TMEM43: variants seen among roughly 807,000 people sequenced by gnomAD.
TMEM43 encodes the protein transmembrane protein 43.
TMEM43 carries 45 observed loss-of-function variants against 49.6 expected under a neutral mutation model. The ratio of observed to expected loss-of-function variants is 0.91; its 90% CI spans 0.71 to 1.16. The LOEUF (loss-of-function observed/expected upper bound fraction) is 1.16. Ranked by LOEUF, TMEM43 falls within the 50% of genes most tolerant of loss-of-function variation. The pLI, the probability that TMEM43 is intolerant of heterozygous loss-of-function variation, is 0.00. For missense variants in TMEM43, 532 were observed against 516.6 expected (o/e 1.03, Z -0.29); for synonymous variants, 199 against 207.8 (o/e 0.96, Z 0.36).
intron 7 of TMEM43, 47 bp from the exon 8 acceptor site, chr3:14,134,723 G>A (rs1298786288): frequency 6.2e-7 from 1 of 1,613,474 alleles, no homozygotes; most frequent in South Asian, 1.1e-5. Context: ...TGCAGATTGA[G>A]GTTTTCACCT....
intron 1 of TMEM43, among the ~76,000 whole-genome samples, chr3:14,127,461 C>T (rs1262243938): frequency 6.6e-6 from 1 of 152,172 alleles, no homozygotes; most frequent in Non-Finnish European, 1.5e-5. Context: ...CATTGTAGCC[C>T]AAGAGATGGG....
chr3:14,137,208 A>G, intron 10 of TMEM43: 1 of 149,624 alleles, frequency 6.7e-6, no homozygotes, highest in Non-Finnish European at 1.5e-5. Context: ...GCTGTTGCCC[A>G]GGAGCCCAGT....
In TMEM43 at chr3:14,130,911, T is replaced by C. The variant is rs1197228653; in HGVS notation, c.252T>C (p.Asn84=). ...GCATCCACAGTGTGGCTCCGGAGAA[T>C]GAAGGAAGGCTGGTGCACATCATTG... ...PDSIHSVAPE[N]EGRLVHIIGA... is the part of the protein sequence containing the mutation. The change falls in exon 3 of 12, where the codon AAT becomes AAC. Residue 84 remains asparagine (N), a synonymous_variant. Transcript: ENST00000306077. 6.2e-7 allele frequency: 1 copy of C among 1,613,314 alleles called. No homozygotes were observed. The highest frequency in any genetic ancestry group is 8.5e-7 in the Non-Finnish European group (1 of 1,179,612).
intron 10 of TMEM43, among the ~76,000 whole-genome samples, chr3:14,138,316 G>C (rs368099540): frequency 6.6e-6 from 1 of 152,152 alleles, no homozygotes; most frequent in Non-Finnish European, 1.5e-5. Context: ...GTGTCCGGGG[G>C]GTGTGGCAGG....
intron 3 of TMEM43, 99 bp from the exon 4 acceptor site, chr3:14,131,481 A>G (rs1008683058): frequency 8.2e-6 from 8 of 974,840 alleles, no homozygotes; most frequent in African/African-American, 3.2e-5. Flanking sequence ...CCCCTTCTCT[A>G]TTTCTTCCTC....
At position 14,143,134 on chromosome 3, in the gene TMEM43, C is replaced by T. The variant is rs1450433765; in HGVS notation, c.*1339C>T. ...TTTCTAAGTTCCCCAACTACTCTCA[C>T]ACCCTTTTAAAGATAAAGTATGTTG... On this transcript the variant is annotated 3_prime_UTR_variant, in exon 12 of 12. Coordinates refer to ENST00000306077, the MANE Select transcript of TMEM43 (RefSeq NM_024334.3). 1 of 152,202 alleles carries T rather than the reference C, an allele frequency of 6.6e-6. No homozygotes were observed. The highest frequency in any genetic ancestry group is 1.5e-5 in the Non-Finnish European group (1 of 68,054). The allele number at this position is 152,202 out of a possible 1,614,324, so 9.4% of individuals were successfully genotyped here. A position where few individuals can be genotyped will look rare whatever the true frequency, so the allele number is the denominator to read the frequency against.
At chr3:14,135,312 G>T in intron 9 of TMEM43, 80 bp downstream of exon 9, 1 of 1,212,028 alleles carries the variant, frequency 8.3e-7, no homozygotes, top group South Asian at 1.3e-5. Flanking sequence ...TCAATGTCAG[G>T]AGCGCTTGGA....
In TMEM43 at chr3:14,134,810, A is replaced by T. The variant is rs527942696; in HGVS notation, c.624A>T (p.Leu208=). Residue 208 remains leucine, a synonymous_variant, in exon 8 of 12, where the codon CTA becomes CTT. Coordinates refer to ENST00000306077, the MANE Select transcript of TMEM43 (RefSeq NM_024334.3). ...TCGACAACTTCAAGTCCCTGAGCCT[A>T]TCCAAGCTGGAGGACCCTCATGTGG... The part of the protein sequence containing the change: ...DKVDNFKSLS[L]SKLEDPHVDI... 2 of 1,614,176 alleles carry T rather than the reference A, an allele frequency of 1.2e-6. No homozygotes were observed. The highest frequency in any genetic ancestry group is 8.5e-7 in the Non-Finnish European group (1 of 1,180,018).
At position 14,134,872 on chromosome 3, in the gene TMEM43, A is replaced by G. The variant is rs764671990; in HGVS notation, c.686A>G (p.Glu229Gly). 4 of 1,614,224 alleles carry G rather than the reference A, an allele frequency of 2.5e-6. No homozygotes were observed. Among genetic ancestry groups the G allele is most frequent in the Non-Finnish European group, 3.4e-6 (4 of 1,180,028 alleles). The change falls in exon 8 of 12, where the codon GAA becomes GGA. Residue 229 changes from glutamate (E) to glycine (G), a missense_variant. By Grantham distance (98) the Glu-to-Gly change is moderately conservative. Coordinates refer to ENST00000306077, the MANE Select transcript of TMEM43 (RefSeq NM_024334.3). ...CGTGGAGACTTTTTCTACCACAGCGAAAATCCCAAGTATCCAGAGGTGTGC... is the reference window on the plus strand; with the variant it reads ...CGTGGAGACTTTTTCTACCACAGCGGAAATCCCAAGTATCCAGAGGTGTGC... ...IRRGDFFYHS[E>G]NPKYPEVGDL...
chr3:14,133,933 AC>A, intron 7 of TMEM43, 124 bp downstream of exon 7: 1 of 943,372 alleles, frequency 1.1e-6, no homozygotes, highest in Admixed American at 1.8e-5. Flanking sequence ...CTTTCCCAGC[AC>A]CATGCTTTGG....
In TMEM43 at chr3:14,125,118, T is replaced by A; in HGVS notation, c.-76T>A. 6.3e-7 allele frequency: 1 copy of A among 1,591,064 alleles called. No individual in the cohort carries two copies. Among genetic ancestry groups the A allele is most frequent in the Non-Finnish European group, 8.6e-7 (1 of 1,169,106 alleles). On this transcript the variant is annotated 5_prime_UTR_variant, in exon 1 of 12. Transcript: ENST00000306077. ...GAAGCTGGGGCTGGCAAGAGGCCGCTGGACACCACGCTCCAGTCGTCAGCC... is the reference window on the plus strand; with the variant it reads ...GAAGCTGGGGCTGGCAAGAGGCCGCAGGACACCACGCTCCAGTCGTCAGCC...
intron 1 of TMEM43, 93 bp downstream of exon 1, chr3:14,125,298 G>C: frequency 1.4e-6 from 2 of 1,474,610 alleles, no homozygotes; most frequent in South Asian, 1.2e-5. Flanking sequence ...TCGCCGCCTG[G>C]AGCTCCTCCG....
rs892487277 is a variant in TMEM43, at chr3:14,130,691, T to A, written c.163-131T>A. The A allele has an allele frequency of 6.4e-6, 8 of 1,243,508 alleles. No homozygotes were observed. In the African/African-American group the frequency reaches 1.2e-4, roughly 19 times the overall value. The allele number at this position is 1,243,508 out of a possible 1,614,324, so 77.0% of individuals were successfully genotyped here. ...CTCTCCACTTGCTAGACCTCAGTTTTCCAACTGTACGGTGGGGAGATGGGT... is the reference window on the plus strand; with the variant it reads ...CTCTCCACTTGCTAGACCTCAGTTTACCAACTGTACGGTGGGGAGATGGGT... On this transcript the variant is annotated intron_variant, in intron 2 of 11. Coordinates refer to ENST00000306077, the MANE Select transcript of TMEM43 (RefSeq NM_024334.3).
rs192972628 is a variant in TMEM43 at position 14,133,646 on chromosome 3, C to T, written c.513-93C>T. 10 of 1,193,738 alleles carry T rather than the reference C, an allele frequency of 8.4e-6. No individual in the cohort carries two copies. In the Admixed American group the frequency reaches 1.0e-4, roughly 12 times the overall value. The allele number at this position is 1,193,738 out of a possible 1,614,324, so 73.9% of individuals were successfully genotyped here. ...GCTAATCTGGACTTGCAGGAACCCC[C>T]GGGTGGGGACCCTGCCCAGCACAAA... is the stretch of plus-strand genomic sequence containing the variant. On this transcript the variant is annotated intron_variant, in intron 6 of 11. Coordinates refer to ENST00000306077, the MANE Select transcript of TMEM43 (RefSeq NM_024334.3).
chr3:14,135,860 G>A lies in TMEM43; in HGVS notation c.834G>A (p.Lys278=), dbSNP rs151009158. The change falls in exon 10 of 12, where the codon AAG becomes AAA. Residue 278 remains lysine (K), a synonymous_variant. Coordinates refer to ENST00000306077, the MANE Select transcript of TMEM43 (RefSeq NM_024334.3). ...RGDQLVPFST[K]SGDTLLLLHH... ...ACCAGCTAGTCCCATTCTCCACCAA[G>A]TCTGGGGATACCTTACTGCTCCTGC... 14 of 1,614,188 alleles carry A rather than the reference G, an allele frequency of 8.7e-6. No homozygotes were observed. Among genetic ancestry groups the A allele is most frequent in the Non-Finnish European group, 1.2e-5 (14 of 1,180,054 alleles).
intron 10 of TMEM43, among the ~76,000 whole-genome samples, chr3:14,136,544 T>A (rs1695172521): frequency 6.6e-6 from 1 of 152,190 alleles, no homozygotes; most frequent in Non-Finnish European, 1.5e-5. Flanking sequence ...AAGCAGGGCC[T>A]CTGACAAGTG....
rs377518739 is a variant in TMEM43, at chr3:14,133,817, T to G, written c.583+8T>G. The G allele has an allele frequency of 6.2e-6, 10 of 1,613,912 alleles. No homozygotes were observed. The highest frequency in any genetic ancestry group is 8.5e-6 in the Non-Finnish European group (10 of 1,179,774). On this transcript the variant is annotated splice_region_variant and intron_variant, in intron 7 of 11. Coordinates refer to ENST00000306077, the MANE Select transcript of TMEM43 (RefSeq NM_024334.3). ...GGTTTTTCCTCTCGTCAGGTAAGTCTCAGGCCTCTCCAGAGGAGCTCGTGC... is the reference window on the plus strand; with the variant it reads ...GGTTTTTCCTCTCGTCAGGTAAGTCGCAGGCCTCTCCAGAGGAGCTCGTGC...
intron 11 of TMEM43, among the ~76,000 whole-genome samples, chr3:14,139,674 G>A (rs960237791): frequency 1.3e-4 from 20 of 152,332 alleles, no homozygotes; most frequent in Middle Eastern, 3.4e-3. Flanking sequence ...ATGCTTGGCC[G>A]TTCCCTTCCC....
chr3:14,126,266 C>T (rs1695019984), intron 1 of TMEM43, among the ~76,000 whole-genome samples: 1 of 152,166 alleles, frequency 6.6e-6, no homozygotes, highest in Non-Finnish European at 1.5e-5. Flanking sequence ...AGAAAAGCCT[C>T]AGAGGTATTC....
Sources: gnomAD v4.1 joint callset for allele counts (sites outside exome capture counted in the v4.1 genomes callset) on GRCh38, gnomAD v4.1.1 for gene constraint, MANE v1.5 for transcripts, NCBI Gene and HGNC (gene_info 2026-07-23, HGNC 2026-07-21) for gene names.